The following AFF3 variants were observed in gnomAD, a reference collection of about 807,000 sequenced individuals.
AFF3 encodes the protein ALF transcription elongation factor 3, also known as AF4/FMR2 family member 3.
A neutral mutation model predicts 129.7 loss-of-function variants in AFF3; 32 were observed. That is an observed-to-expected ratio of 0.25 (90% CI 0.19 to 0.33). The LOEUF (loss-of-function observed/expected upper bound fraction) is 0.33, where lower values mean the gene tolerates loss of function less well. AFF3 is among the 10% of genes least tolerant of loss of function. AFF3 has a pLI of 1.00. For missense variants in AFF3, 1,373 were observed against 1,592.0 expected, an observed-to-expected ratio of 0.86 and a Z score of 2.34; for synonymous variants, 644 against 635.4, an observed-to-expected ratio of 1.01 and a Z score of -0.20.
chr2:100,114,067 G>A (rs1691630075), intron 2 of AFF3, among the ~76,000 whole-genome samples: 1 of 152,146 alleles, frequency 6.6e-6, no homozygotes, highest in African/African-American at 2.4e-5. Flanking sequence ...AAAGCAGCTA[G>A]TGAACACCCA....
intron 7 of AFF3, among the ~76,000 whole-genome samples, chr2:99,998,324 C>A (rs963065649): frequency 3.3e-5 from 5 of 152,032 alleles, no homozygotes; most frequent in African/African-American, 1.2e-4. Context: ...AAAAGGGCAC[C>A]CCAGGAGGGC....
intron 10 of AFF3, among the ~76,000 whole-genome samples, chr2:99,741,223 A>G (rs1183814250): frequency 6.6e-6 from 1 of 152,136 alleles, no homozygotes; most frequent in African/African-American, 2.4e-5. Flanking sequence ...GGCCAGGGCA[A>G]TTAGGCAGGA....
chr2:100,016,814 GATGGTGGTGGTGGTGATGGTGGTA>G (rs889839233), intron 4 of AFF3, among the ~76,000 whole-genome samples: 1 of 150,694 alleles, frequency 6.6e-6, no homozygotes, highest in African/African-American at 2.4e-5. Flanking sequence ...CAGTGATGCT[GATGGTGGTGGTGGTGATGGTGGTA>G]ATGGTGGTGG....
intron 19 of AFF3, among the ~76,000 whole-genome samples, chr2:99,567,863 T>G (rs1676118369): frequency 6.6e-6 from 1 of 152,180 alleles, no homozygotes; most frequent in Non-Finnish European, 1.5e-5. Context: ...TCTTTCTCCT[T>G]AAAAATCTGA....
intron 7 of AFF3, among the ~76,000 whole-genome samples, chr2:99,981,775 T>A (rs1679427573): frequency 6.6e-6 from 1 of 152,232 alleles, no homozygotes; most frequent in African/African-American, 2.4e-5. Context: ...GTTTTCCCAA[T>A]TTGTCATCTG....
chr2:100,007,462 TG>T lies in AFF3; in HGVS notation c.175-3del, dbSNP rs749020150. On this transcript the variant is annotated splice_region_variant and splice_polypyrimidine_tract_variant and intron_variant, in intron 5 of 24. Transcript: ENST00000672756. ...GGAGAGTTCATCCCCCTTGTTAGTC[TG>T]GAGAAAGAAAAACACATCCACGCTA... is the stretch of plus-strand genomic sequence containing the variant. 1.2e-6 allele frequency: 2 copies of T among 1,608,844 alleles called. No homozygotes were observed. The highest frequency in any genetic ancestry group is 2.2e-5 in the South Asian group (2 of 90,722).
At chr2:100,062,097 C>A (rs766098113) in intron 4 of AFF3, among the ~76,000 whole-genome samples, 1 of 152,184 alleles carries the variant, frequency 6.6e-6, no homozygotes, top group African/African-American at 2.4e-5. Context: ...ATGGGGATGT[C>A]GACCAAGGTC....
intron 8 of AFF3, among the ~76,000 whole-genome samples, chr2:99,788,718 G>A (rs1024174319): frequency 4.6e-5 from 7 of 152,160 alleles, no homozygotes; most frequent in African/African-American, 1.2e-4. Context: ...AGTAGTGTAC[G>A]ATAATGTCCT....
intron 7 of AFF3, among the ~76,000 whole-genome samples, chr2:99,873,970 C>G (rs868670398): frequency 1.3e-5 from 2 of 151,822 alleles, no homozygotes; most frequent in African/African-American, 2.4e-5. Context: ...GTCAGGAGAT[C>G]GAGACCATCC....
chr2:99,610,329 C>T lies in AFF3; in HGVS notation c.1185-8708G>A, dbSNP rs75509360. Among the ~76,000 whole-genome samples, 73 of 152,276 alleles carry T rather than the reference C, an allele frequency of 4.8e-4. 1 individual carries two copies. The highest frequency in any genetic ancestry group is 1.8e-3 in the African/African-American group (73 of 41,558). ...CTCTGGTGACCACTCATCTGTTTTC[C>T]GTCTCTAAAATGCTGTCATTTTGAG... On this transcript the variant is annotated intron_variant, in intron 13 of 24. Transcript: ENST00000672756.
intron 19 of AFF3, among the ~76,000 whole-genome samples, chr2:99,566,534 C>G (rs895287678): frequency 2.0e-5 from 3 of 152,150 alleles, no homozygotes; most frequent in Non-Finnish European, 4.4e-5. Flanking sequence ...GATAACACAG[C>G]AAGACGCTGT....
At chr2:100,003,854 T>C (rs1681683435) in intron 7 of AFF3, among the ~76,000 whole-genome samples, 1 of 152,162 alleles carries the variant, frequency 6.6e-6, no homozygotes, top group South Asian at 2.1e-4. Context: ...TTCCTAGGGC[T>C]AAAAGGCCAA....
At chr2:99,994,828 C>T (rs1281588992) in intron 7 of AFF3, among the ~76,000 whole-genome samples, 5 of 152,104 alleles carry the variant, frequency 3.3e-5, no homozygotes, top group Non-Finnish European at 5.9e-5. Flanking sequence ...TGCCTGACAT[C>T]ATTTGAACCA....
intron 2 of AFF3, among the ~76,000 whole-genome samples, chr2:100,120,395 G>A (rs1223928351): frequency 6.6e-6 from 1 of 152,112 alleles, no homozygotes; most frequent in Non-Finnish European, 1.5e-5. Context: ...AAATTGGTAA[G>A]TTACTTAGTG....
intron 11 of AFF3, among the ~76,000 whole-genome samples, chr2:99,674,249 C>T (rs1379931670): frequency 6.6e-6 from 1 of 152,190 alleles, no homozygotes; most frequent in East Asian, 1.9e-4. Flanking sequence ...GCACGCCATT[C>T]ATTTCCTTCA....
At chr2:99,819,975 T>C (rs987861200) in intron 8 of AFF3, among the ~76,000 whole-genome samples, 1 of 152,180 alleles carries the variant, frequency 6.6e-6, no homozygotes, top group African/African-American at 2.4e-5. Flanking sequence ...TAGAGCTCCA[T>C]GGAAGGCAGC....
intron 11 of AFF3, among the ~76,000 whole-genome samples, chr2:99,720,791 G>A (rs1027479896): frequency 2.0e-5 from 3 of 151,680 alleles, no homozygotes; most frequent in East Asian, 1.9e-4. Flanking sequence ...TCTTAGCTCT[G>A]CTGCTTTTGG....
At chr2:99,872,560 T>G (rs979871047) in intron 7 of AFF3, among the ~76,000 whole-genome samples, 1 of 147,374 alleles carries the variant, frequency 6.8e-6, no homozygotes, top group African/African-American at 2.6e-5. Context: ...CCCACACAGT[T>G]CCCAATGAAG....
intron 11 of AFF3, among the ~76,000 whole-genome samples, chr2:99,690,182 A>C (rs1675472687): frequency 7.5e-6 from 1 of 133,102 alleles, no homozygotes; most frequent in East Asian, 2.1e-4. Context: ...TATTATTATT[A>C]TTATTATTAT....
Sources: allele counts gnomAD v4.1 joint callset (sites outside exome capture counted in the v4.1 genomes callset), GRCh38; gene constraint gnomAD v4.1.1; transcripts MANE v1.5; gene names NCBI Gene and HGNC (gene_info 2026-07-23, HGNC 2026-07-21).